The following DIS3L2 variants were observed in gnomAD, a reference collection of about 807,000 sequenced individuals.
DIS3L2 encodes DIS3-like exonuclease 2.
Under a neutral mutation model 97.5 loss-of-function variants are expected in DIS3L2, and 34 were observed. That is an observed-to-expected ratio of 0.35 (90% CI 0.27 to 0.46). DIS3L2 has a LOEUF of 0.46. Ranked by LOEUF, DIS3L2 falls within the 20% of genes least tolerant of loss-of-function variation. The pLI is 1.00. For synonymous variants in DIS3L2, 435 were observed against 445.2 expected (o/e 0.98, Z 0.29); for missense variants, 1,038 against 1,146.0 (o/e 0.91, Z 1.36).
chr2:232,052,203 T>C (rs1339120631), intron 5 of DIS3L2, among the ~76,000 whole-genome samples: 1 of 152,126 alleles, frequency 6.6e-6, no homozygotes, highest in Non-Finnish European at 1.5e-5. Flanking sequence ...TTTGTATTTT[T>C]AGTAGAGACG....
At chr2:232,102,115 T>C (rs2106324690) in intron 6 of DIS3L2, among the ~76,000 whole-genome samples, 1 of 152,348 alleles carries the variant, frequency 6.6e-6, no homozygotes, top group East Asian at 1.9e-4. Flanking sequence ...TGAATATCAT[T>C]GTCTGTGAAG....
intron 11 of DIS3L2, among the ~76,000 whole-genome samples, chr2:232,244,438 C>T (rs185498051): frequency 2.0e-4 from 30 of 152,242 alleles, no homozygotes; most frequent in Non-Finnish European, 3.4e-4. Context: ...GTCAGTGGAA[C>T]AGGTAAAGAA....
Position 232,248,112 on chromosome 2 carries a change from T to C in DIS3L2, c.1318-1127T>C, listed in dbSNP as rs183704570. Among the ~76,000 whole-genome samples, 28 of 152,350 alleles carry C rather than the reference T, an allele frequency of 1.8e-4. 2 individuals carry two copies. Among genetic ancestry groups the C allele is most frequent in the Admixed American group, 1.6e-3 (25 of 15,310 alleles). ...ACTATTCCATACCAAAGATATTTAC[T>C]GTACTAAAGTAGAGTACAGTTGCAG... is the stretch of plus-strand genomic sequence containing the variant. On this transcript the variant is annotated intron_variant, in intron 11 of 20. Coordinates refer to ENST00000325385, the MANE Select transcript of DIS3L2 (RefSeq NM_152383.5).
chr2:232,181,801 T>C (rs1691282652), intron 9 of DIS3L2, among the ~76,000 whole-genome samples: 1 of 149,240 alleles, frequency 6.7e-6, no homozygotes, highest in Admixed American at 6.9e-5. Flanking sequence ...CACACCCAGC[T>C]AATTTTTGTT....
intron 9 of DIS3L2, among the ~76,000 whole-genome samples, chr2:232,200,724 A>G (rs1292033384): frequency 1.3e-5 from 2 of 151,686 alleles, no homozygotes; most frequent in South Asian, 2.1e-4. Flanking sequence ...TTACAAGGCT[A>G]TGATTCATTC....
rs1694881620 is a variant in DIS3L2, at chr2:232,033,929, C to T, written c.366+3849C>T. 3.3e-5 allele frequency among the ~76,000 whole-genome samples: 5 copies of T among 152,048 alleles called. No individual in the cohort carries two copies. In the South Asian group the frequency reaches 1.0e-3, roughly 32 times the overall value. ...ATCAGGGATGTTGGCCTGAAATTTT[C>T]TTTTTTTGTTGTGTCTCTGCTGGGT... On this transcript the variant is annotated intron_variant, in intron 5 of 20. Transcript: ENST00000325385.
At chr2:232,149,061 G>C (rs1690313192) in intron 8 of DIS3L2, among the ~76,000 whole-genome samples, 1 of 149,614 alleles carries the variant, frequency 6.7e-6, no homozygotes, top group Non-Finnish European at 1.5e-5. Flanking sequence ...TGTGGAAGTA[G>C]TGTTGTTATT....
chr2:232,105,628 T>C (rs1325431602), intron 6 of DIS3L2, among the ~76,000 whole-genome samples: 1 of 152,208 alleles, frequency 6.6e-6, no homozygotes, highest in Non-Finnish European at 1.5e-5. Flanking sequence ...AAAGGACTTA[T>C]TTTATAGAAT....
At chr2:232,136,326 C>A in intron 7 of DIS3L2, 146 bp from the exon 8 acceptor site, 1 of 965,862 alleles carries the variant, frequency 1.0e-6, no homozygotes, top group Non-Finnish European at 1.5e-6. Context: ...ATTACTAAGT[C>A]ACAGATCATC....
At chr2:232,279,822 C>T (rs1694237577) in intron 13 of DIS3L2, among the ~76,000 whole-genome samples, 1 of 152,192 alleles carries the variant, frequency 6.6e-6, no homozygotes, top group African/African-American at 2.4e-5. Context: ...AACTACCACG[C>T]CTGGCCTGGA....
intron 14 of DIS3L2, among the ~76,000 whole-genome samples, chr2:232,304,023 G>T (rs997870043): frequency 6.6e-6 from 1 of 152,128 alleles, no homozygotes; most frequent in Non-Finnish European, 1.5e-5. Context: ...CTGTCCTATG[G>T]TGCCTTGGGT....
In DIS3L2 at chr2:232,334,402, C is replaced by A. The variant is rs1553551762; in HGVS notation, c.2192C>A (p.Thr731Asn). 2.2e-5 allele frequency: 35 copies of A among 1,613,654 alleles called. No homozygotes were observed. The highest frequency in any genetic ancestry group is 2.9e-5 in the Non-Finnish European group (34 of 1,180,022). The change falls in exon 18 of 21, where the codon ACC (threonine) becomes AAC (asparagine). Residue 731 changes from threonine to asparagine, a missense_variant. Physicochemically the swap from Thr to Asn is moderately conservative, Grantham distance 65 (BLOSUM62 0). This residue lies in a region of DIS3L2 where 221 missense variants were observed against 246.9 expected (regional missense o/e 0.90). Coordinates refer to ENST00000325385, the MANE Select transcript of DIS3L2 (RefSeq NM_152383.5). ...YRERLDMAPD[T>N]LQKQADHCND... is the part of the protein sequence containing the mutation. ...GAGCGACTAGACATGGCGCCCGATA[C>A]CCTGCAGAAACAGGCGGACCACTGT... is the stretch of plus-strand genomic sequence containing the variant.
At chr2:232,055,539 A>G (rs747272005) in intron 5 of DIS3L2, among the ~76,000 whole-genome samples, 1 of 152,238 alleles carries the variant, frequency 6.6e-6, no homozygotes, top group Non-Finnish European at 1.5e-5. Context: ...TAAAAATATT[A>G]ATTCTTCCCA....
chr2:232,281,253 G>A lies in DIS3L2; in HGVS notation c.1659+17813G>A, dbSNP rs1423285417. 6.6e-6 allele frequency among the ~76,000 whole-genome samples: 1 copy of A among 152,146 alleles called. No individual in the cohort carries two copies. The highest frequency in any genetic ancestry group is 1.9e-4 in the East Asian group (1 of 5,192). On this transcript the variant is annotated intron_variant, in intron 13 of 20. Coordinates refer to ENST00000325385, the MANE Select transcript of DIS3L2 (RefSeq NM_152383.5). This position sits in a 1 kb window ranked among gnomAD's most constrained non-coding sequence, Gnocchi z 4.1. The stretch of plus-strand genomic sequence containing the variant: ...TCTCTACTAAAAATACAAAAAATTA[G>A]CCGGGCGTGGTGGCGGGCGCCTGTG...
chr2:232,247,616 C>CGAGGGGGGGGGGGGGGGG (rs1693289516), intron 11 of DIS3L2, among the ~76,000 whole-genome samples: 1 of 6,518 alleles, frequency 1.5e-4, no homozygotes, highest in African/African-American at 3.1e-4. Context: ...ATAACTGCCG[C>CGAGGGGGGGGGGGGGGGG]GGGGGGGGGG....
chr2:232,313,603 G>C (rs1158166100), intron 14 of DIS3L2, among the ~76,000 whole-genome samples: 1 of 152,176 alleles, frequency 6.6e-6, no homozygotes, highest in East Asian at 1.9e-4. Context: ...CGAGAGAAAA[G>C]TTGCTAAACT....
In DIS3L2 at chr2:232,264,463, C is replaced by G. The variant is rs80342404; in HGVS notation, c.1659+1023C>G. ...CTGAGAGTCGGTAACTGTTAGGACC[C>G]AGGATTTCTTTTTTCATTGCTTGTC... On this transcript the variant is annotated intron_variant, in intron 13 of 20. Transcript: ENST00000325385. Among the ~76,000 whole-genome samples the G allele has an allele frequency of 6.7e-3, 1,024 of 152,316 alleles. 10 individuals carry two copies. The highest frequency in any genetic ancestry group is 0.023 in the African/African-American group (967 of 41,566).
chr2:232,262,633 A>G (rs958594949), intron 12 of DIS3L2, among the ~76,000 whole-genome samples: 1 of 152,226 alleles, frequency 6.6e-6, no homozygotes, highest in Non-Finnish European at 1.5e-5. Context: ...CCAACAAGGA[A>G]TTATTCAGCC....
chr2:232,246,269 C>T (rs981549509), intron 11 of DIS3L2, among the ~76,000 whole-genome samples: 2 of 152,192 alleles, frequency 1.3e-5, no homozygotes, highest in African/African-American at 2.4e-5. Context: ...TTAGCAGTGG[C>T]AATGAGCTGA....
Sources: gnomAD v4.1 joint callset for allele counts (sites outside exome capture counted in the v4.1 genomes callset) on GRCh38, gnomAD v4.1.1 for gene constraint, gnomAD v4.1.1 regional missense constraint, Gnocchi (gnomAD v3.1) non-coding constraint, MANE v1.5 for transcripts, NCBI Gene and HGNC (gene_info 2026-07-23, HGNC 2026-07-21) for gene names.